Variants in LRRC4C observed in about 807,000 individuals in gnomAD.
The protein encoded by LRRC4C is leucine-rich repeat-containing protein 4C.
A neutral mutation model predicts 33.6 loss-of-function variants in LRRC4C; 5 were observed. That is an observed-to-expected ratio of 0.15 (90% CI 0.08 to 0.31). The LOEUF is 0.31. LRRC4C is among the 10% of genes least tolerant of loss of function. The pLI, the probability that LRRC4C is intolerant of heterozygous loss-of-function variation, is 1.00. For missense variants in LRRC4C, 560 were observed against 796.7 expected, an observed-to-expected ratio of 0.70 and a Z score of 3.58; for synonymous variants, 329 against 302.0, an observed-to-expected ratio of 1.09 and a Z score of -0.93.
intron 1 of LRRC4C, among the ~76,000 whole-genome samples, chr11:41,030,880 A>G (rs1383870737): frequency 1.3e-5 from 2 of 151,772 alleles, no homozygotes; most frequent in African/African-American, 4.8e-5. Flanking sequence ...CTTTCATTAT[A>G]TATGAGGCCA....
chr11:40,522,444 C>T (rs56336706), intron 3 of LRRC4C, among the ~76,000 whole-genome samples: 4,020 of 152,164 alleles, frequency 0.026, 176 homozygotes, highest in African/African-American at 0.092. Flanking sequence ...GTGAGGGACC[C>T]AGTGGGAGAT....
At chr11:40,273,059 A>T (rs1484371291) in intron 4 of LRRC4C, among the ~76,000 whole-genome samples, 4 of 152,148 alleles carry the variant, frequency 2.6e-5, no homozygotes, top group Non-Finnish European at 5.9e-5. Context: ...CTAAAATTCA[A>T]ATTGTAGTAT....
chr11:41,287,304 T>C (rs975567268), intron 1 of LRRC4C, among the ~76,000 whole-genome samples: 2 of 152,176 alleles, frequency 1.3e-5, no homozygotes, highest in African/African-American at 4.8e-5. Context: ...TTATGTTATT[T>C]AGAAATAACA....
At chr11:40,393,413 G>T (rs992456727) in intron 3 of LRRC4C, among the ~76,000 whole-genome samples, 6 of 152,074 alleles carry the variant, frequency 3.9e-5, no homozygotes, top group African/African-American at 1.4e-4. Context: ...TGAGGAATCT[G>T]AAATGACTAT....
intron 2 of LRRC4C, among the ~76,000 whole-genome samples, chr11:40,809,048 C>A (rs1951369629): frequency 6.6e-6 from 1 of 152,092 alleles, no homozygotes; most frequent in Admixed American, 6.6e-5. Context: ...GGACAATTCC[C>A]ATCAGTGTAC....
At chr11:40,301,822 T>C (rs1439080619) in intron 4 of LRRC4C, among the ~76,000 whole-genome samples, 1 of 152,186 alleles carries the variant, frequency 6.6e-6, no homozygotes, top group Non-Finnish European at 1.5e-5. Context: ...TGTTAAACAA[T>C]TTGCATTTTT....
At chr11:40,989,102 C>T (rs1470531378) in intron 1 of LRRC4C, among the ~76,000 whole-genome samples, 1 of 152,130 alleles carries the variant, frequency 6.6e-6, no homozygotes, top group Admixed American at 6.5e-5. Flanking sequence ...GCCACACCTT[C>T]CGTATAACCT....
At chr11:40,507,313 T>C (rs897615485) in intron 3 of LRRC4C, among the ~76,000 whole-genome samples, 1 of 152,028 alleles carries the variant, frequency 6.6e-6, no homozygotes. Flanking sequence ...AAAAATTCAA[T>C]AGAATAATAG....
At chr11:40,370,976 T>C (rs546034872) in intron 3 of LRRC4C, among the ~76,000 whole-genome samples, 4 of 152,312 alleles carry the variant, frequency 2.6e-5, no homozygotes, top group Admixed American at 2.6e-4. Context: ...AAATGAGTCA[T>C]ATTTAATTGC....
chr11:40,453,190 G>A (rs535984200), intron 3 of LRRC4C, among the ~76,000 whole-genome samples: 2 of 150,382 alleles, frequency 1.3e-5, no homozygotes, highest in East Asian at 2.0e-4. Flanking sequence ...ATAAAAAAAT[G>A]TTGATTGGAA....
chr11:41,269,415 A>G (rs1591113890), intron 1 of LRRC4C, among the ~76,000 whole-genome samples: 1 of 151,984 alleles, frequency 6.6e-6, no homozygotes, highest in Non-Finnish European at 1.5e-5. Flanking sequence ...GAGGCAGGTG[A>G]CCCTGAGATT....
intron 1 of LRRC4C, among the ~76,000 whole-genome samples, chr11:41,226,656 AGT>A (rs1274976920): frequency 6.6e-6 from 1 of 151,312 alleles, no homozygotes; most frequent in African/African-American, 2.4e-5. Context: ...TTGATCCATC[AGT>A]GCTCTACCTT....
chr11:41,441,697 G>T (rs1344365189), intron 1 of LRRC4C, among the ~76,000 whole-genome samples: 1 of 150,708 alleles, frequency 6.6e-6, no homozygotes, highest in Non-Finnish European at 1.5e-5. Context: ...AGAGAAGATG[G>T]CAAGAACTTC....
chr11:40,578,701 A>C (rs2135622678), intron 3 of LRRC4C, among the ~76,000 whole-genome samples: 1 of 152,312 alleles, frequency 6.6e-6, no homozygotes, highest in Admixed American at 6.5e-5. Context: ...TTTATTTTTG[A>C]AAGTGTGTTT....
At chr11:40,276,932 T>G (rs114276366) in intron 4 of LRRC4C, among the ~76,000 whole-genome samples, 2 of 152,042 alleles carry the variant, frequency 1.3e-5, no homozygotes, top group Non-Finnish European at 2.9e-5. Context: ...AGTACCTTCA[T>G]GGGAAAGGTG....
chr11:40,806,562 C>T (rs1361007268), intron 2 of LRRC4C, among the ~76,000 whole-genome samples: 1 of 152,202 alleles, frequency 6.6e-6, no homozygotes, highest in Non-Finnish European at 1.5e-5. Context: ...TGACCCCCTC[C>T]TTTTCCAAGA....
At position 40,924,936 on chromosome 11, in the gene LRRC4C, T is replaced by C. The variant is rs1957351667; in HGVS notation, c.-407+8699A>G. Among the ~76,000 whole-genome samples, 3 of 152,202 alleles carry C rather than the reference T, an allele frequency of 2.0e-5. No homozygotes were observed. In the South Asian group the frequency reaches 6.2e-4, roughly 32 times the overall value. On this transcript the variant is annotated intron_variant, in intron 2 of 6. Transcript: ENST00000528697. ...CAAGTGTGTTTACTTCTGTCATTGT[T>C]TGATCATTACACATCATTTTTGAAA...
intron 2 of LRRC4C, among the ~76,000 whole-genome samples, chr11:40,866,355 T>A (rs1280094920): frequency 2.0e-5 from 3 of 152,078 alleles, no homozygotes; most frequent in African/African-American, 7.2e-5. Context: ...CAAAGTTGGA[T>A]AAATGTGGGC....
At chr11:40,905,577 C>T (rs375555420) in intron 2 of LRRC4C, among the ~76,000 whole-genome samples, 15 of 152,190 alleles carry the variant, frequency 9.9e-5, no homozygotes, top group East Asian at 5.8e-4. Flanking sequence ...CTTTCCACTG[C>T]TGCTAAAATA....
Sources: allele counts gnomAD v4.1 joint callset (sites outside exome capture counted in the v4.1 genomes callset), GRCh38; gene constraint gnomAD v4.1.1; transcripts MANE v1.5; gene names NCBI Gene and HGNC (gene_info 2026-07-23, HGNC 2026-07-21).